Variants in CADPS2 observed in about 807,000 individuals in gnomAD.
CADPS2 encodes calcium-dependent secretion activator 2.
In CADPS2, 93 loss-of-function variants were observed where a neutral mutation model predicts 172.5. The observed-to-expected ratio is 0.54, with a 90% confidence interval of 0.46 to 0.64. CADPS2 has a LOEUF of 0.64. Among genes scored for constraint, CADPS2 ranks in the 30% least tolerant of loss-of-function variants. CADPS2 has a pLI of 0.00. For missense variants in CADPS2, 1,420 were observed against 1,565.9 expected, an observed-to-expected ratio of 0.91 and a Z score of 1.57; for synonymous variants, 546 against 555.2, an observed-to-expected ratio of 0.98 and a Z score of 0.23.
At chr7:122,729,670 T>G (rs1005222677) in intron 2 of CADPS2, among the ~76,000 whole-genome samples, 2 of 135,248 alleles carry the variant, frequency 1.5e-5, no homozygotes, top group Non-Finnish European at 3.1e-5. Context: ...TTGCCCATTT[T>G]TAACGGTTTT....
chr7:122,732,592 T>G (rs1301980765), intron 2 of CADPS2, among the ~76,000 whole-genome samples: 1 of 147,982 alleles, frequency 6.8e-6, no homozygotes, highest in Non-Finnish European at 1.5e-5. Context: ...ATTCTAGGAT[T>G]AGATCTTTTT....
chr7:122,459,925 C>A (rs2152090328), intron 14 of CADPS2, among the ~76,000 whole-genome samples: 1 of 152,016 alleles, frequency 6.6e-6, no homozygotes, highest in African/African-American at 2.4e-5. Context: ...TTAAGAAGGG[C>A]AAAAGTATAA....
intron 8 of CADPS2, among the ~76,000 whole-genome samples, chr7:122,514,776 C>A (rs865953007): frequency 4.0e-5 from 6 of 151,890 alleles, no homozygotes; most frequent in Admixed American, 2.0e-4. Context: ...GCTGGCATAT[C>A]CACAGAGAAA....
Position 122,621,549 on chromosome 7 carries a change from A to G in CADPS2, c.1036T>C (p.Leu346=). The G allele has an allele frequency of 6.2e-7, 1 of 1,613,896 alleles. No homozygotes were observed. The highest frequency in any genetic ancestry group is 1.7e-4 in the Middle Eastern group (1 of 6,056). Residue 346 remains leucine, a synonymous_variant, in exon 5 of 30, where the codon TTG becomes CTG. Coordinates refer to ENST00000449022, the MANE Select transcript of CADPS2 (RefSeq NM_017954.11). The part of the protein sequence containing the change: ...KLKRSQNSAF[L]DIGDENEIQL... ...ATCTCATTCTCATCTCCTATGTCCA[A>G]AAATGCAGAGTTCTGTGAACGTTTT...
intron 22 of CADPS2, among the ~76,000 whole-genome samples, chr7:122,390,040 C>T (rs1413713071): frequency 6.6e-6 from 1 of 152,042 alleles, no homozygotes; most frequent in Non-Finnish European, 1.5e-5. Context: ...CGTCAAAGCT[C>T]TATCACAAAC....
intron 25 of CADPS2, among the ~76,000 whole-genome samples, chr7:122,364,985 T>C (rs920265134): frequency 2.0e-5 from 3 of 152,140 alleles, no homozygotes; most frequent in South Asian, 2.1e-4. Flanking sequence ...GCTTCACTTA[T>C]GAGTTGGCAC....
At chr7:122,751,176 C>T (rs1477320863) in intron 1 of CADPS2, among the ~76,000 whole-genome samples, 5 of 152,022 alleles carry the variant, frequency 3.3e-5, no homozygotes, top group African/African-American at 1.2e-4. Flanking sequence ...ACAGGGTCTG[C>T]CTATGTTGCC....
At chr7:122,522,959 T>C (rs926786459) in intron 8 of CADPS2, among the ~76,000 whole-genome samples, 1 of 152,200 alleles carries the variant, frequency 6.6e-6, no homozygotes, top group African/African-American at 2.4e-5. Context: ...CACATTTTCT[T>C]GATCCATTCA....
At chr7:122,640,885 G>C (rs1261889083) in intron 3 of CADPS2, among the ~76,000 whole-genome samples, 1 of 148,356 alleles carries the variant, frequency 6.7e-6, no homozygotes, top group Non-Finnish European at 1.5e-5. Context: ...AGTGAGCCGA[G>C]ATCACGCCAC....
intron 1 of CADPS2, among the ~76,000 whole-genome samples, chr7:122,775,030 T>A (rs896216749): frequency 1.4e-4 from 21 of 152,218 alleles, no homozygotes; most frequent in African/African-American, 2.9e-4. Context: ...GTGTTTTTTT[T>A]AAAATACAAA....
chr7:122,425,425 CAA>C (rs71159797), intron 17 of CADPS2, among the ~76,000 whole-genome samples: 3,023 of 72,574 alleles, frequency 0.042, 65 homozygotes, highest in African/African-American at 0.1. Flanking sequence ...CTATCTCTAC[CAA>C]AAAAAAAAAA....
At chr7:122,684,552 C>T (rs1030673331) in intron 2 of CADPS2, among the ~76,000 whole-genome samples, 1 of 151,848 alleles carries the variant, frequency 6.6e-6, no homozygotes, top group Non-Finnish European at 1.5e-5. Context: ...TATTGTTATG[C>T]ATTTTAGAAT....
chr7:122,388,983 T>C (rs1740182148), intron 22 of CADPS2, among the ~76,000 whole-genome samples: 1 of 151,968 alleles, frequency 6.6e-6, no homozygotes, highest in Non-Finnish European at 1.5e-5. Flanking sequence ...AGAGGTAAAA[T>C]GGATATGTAT....
At chr7:122,737,178 T>C (rs960789763) in intron 1 of CADPS2, 110 bp from the exon 2 acceptor site, 1 of 611,706 alleles carries the variant, frequency 1.6e-6, no homozygotes, top group Admixed American at 3.0e-5. Context: ...GAATTAACTT[T>C]ATAGTAAAGA....
At chr7:122,771,352 T>C (rs976665517) in intron 1 of CADPS2, among the ~76,000 whole-genome samples, 1 of 152,210 alleles carries the variant, frequency 6.6e-6, no homozygotes, top group African/African-American at 2.4e-5. Context: ...GATATTACTA[T>C]AATGTAAGCT....
chr7:122,563,888 A>G (rs960185691), intron 7 of CADPS2, among the ~76,000 whole-genome samples: 4 of 152,150 alleles, frequency 2.6e-5, no homozygotes, highest in Non-Finnish European at 1.5e-5. Context: ...CTAACCTGAA[A>G]ATCCAAAATC....
chr7:122,827,996 T>A (rs1805431923), intron 1 of CADPS2, among the ~76,000 whole-genome samples: 1 of 152,186 alleles, frequency 6.6e-6, no homozygotes, highest in Non-Finnish European at 1.5e-5. Flanking sequence ...AACACTGGCT[T>A]GAGAGGGGAA....
intron 2 of CADPS2, among the ~76,000 whole-genome samples, chr7:122,665,108 T>C (rs2081053325): frequency 6.6e-6 from 1 of 152,098 alleles, no homozygotes; most frequent in African/African-American, 2.4e-5. Flanking sequence ...CCTCAACTTT[T>C]ACCCTAAGAA....
At chr7:122,410,365 CA>C in intron 19 of CADPS2, among the ~76,000 whole-genome samples, 1 of 150,014 alleles carries the variant, frequency 6.7e-6, no homozygotes, top group South Asian at 2.1e-4. Context: ...AAAACAAAAA[CA>C]AAAACAAAAC....
Sources: gnomAD v4.1 joint callset for allele counts (sites outside exome capture counted in the v4.1 genomes callset) on GRCh38, gnomAD v4.1.1 for gene constraint, MANE v1.5 for transcripts, NCBI Gene and HGNC (gene_info 2026-07-23, HGNC 2026-07-21) for gene names.